Variants in PITPNB observed in about 807,000 individuals in gnomAD.
The protein encoded by PITPNB is phosphatidylinositol transfer protein beta isoform.
In PITPNB, 16 loss-of-function variants were observed where a neutral mutation model predicts 45.9. The ratio of observed to expected loss-of-function variants is 0.35; its 90% confidence interval spans 0.24 to 0.53. PITPNB has a LOEUF of 0.53. Among genes scored for constraint, PITPNB ranks in the 20% least tolerant of loss-of-function variants. The pLI is 0.93. For synonymous variants in PITPNB, 112 were observed against 108.9 expected, an observed-to-expected ratio of 1.03 and a Z score of -0.18; for missense variants, 188 against 330.5, an observed-to-expected ratio of 0.57 and a Z score of 3.34.
In PITPNB at chr22:27,853,148, G is replaced by A. The variant is rs1934073067; in HGVS notation, c.*554C>T. ...AAAAAATTTTGAAGAAATTTTCTGT[G>A]GGAGTCTACTGCTTATGGGACTAAA... On this transcript the variant is annotated 3_prime_UTR_variant, in exon 12 of 12. Coordinates refer to ENST00000335272, the MANE Select transcript of PITPNB (RefSeq NM_012399.5). 6.5e-6 allele frequency: 1 copy of A among 153,132 alleles called. No individual in the cohort carries two copies. Among genetic ancestry groups the A allele is most frequent in the African/African-American group, 2.4e-5 (1 of 41,466 alleles). The allele number at this position is 153,132 out of a possible 1,614,324, so 9.5% of individuals were successfully genotyped here.
intron 1 of PITPNB, among the ~76,000 whole-genome samples, chr22:27,917,103 G>T (rs1011246748): frequency 2.0e-5 from 3 of 152,174 alleles, no homozygotes; most frequent in Non-Finnish European, 2.9e-5. Context: ...TTAACATCAA[G>T]AAACTTAATT....
intron 1 of PITPNB, among the ~76,000 whole-genome samples, chr22:27,917,453 C>T (rs1012277831): frequency 2.0e-5 from 3 of 152,210 alleles, no homozygotes; most frequent in African/African-American, 7.2e-5. Context: ...GTGTCTGCCA[C>T]CCATCTACCC....
Position 27,853,682 on chromosome 22 carries a change from A to G in PITPNB, c.*39-19T>C. The stretch of plus-strand genomic sequence containing the variant: ...TACGTAACTGTAAGAAAAGTGAAAG[A>G]CAGTGCAAAATGTGTTAAAATACAG... On this transcript the variant is annotated intron_variant, in intron 11 of 11. Transcript: ENST00000335272. The G allele has an allele frequency of 1.3e-6, 2 of 1,536,504 alleles. No homozygotes were observed. Among genetic ancestry groups the G allele is most frequent in the Non-Finnish European group, 1.8e-6 (2 of 1,133,884 alleles).
Position 27,852,479 on chromosome 22 carries a change from C to G in PITPNB, c.*1223G>C, listed in dbSNP as rs943886368. 33 of 152,184 alleles carry G rather than the reference C, an allele frequency of 2.2e-4. No homozygotes were observed. The highest frequency in any genetic ancestry group is 7.2e-4 in the African/African-American group (30 of 41,560). 9.4% of individuals were successfully genotyped at this position (152,184 alleles called of 1,614,324 possible). ...CACTCTCATGATGCCTATTCAGAAT[C>G]TGTCCTGATGACGTCCTACTTGAGA... On this transcript the variant is annotated 3_prime_UTR_variant, in exon 12 of 12. Transcript: ENST00000335272.
intron 3 of PITPNB, 148 bp downstream of exon 3, chr22:27,910,816 G>T: frequency 1.7e-6 from 1 of 598,510 alleles, no homozygotes; most frequent in South Asian, 2.5e-5. Flanking sequence ...TACAAATAAA[G>T]GAGGAGGTTC....
intron 7 of PITPNB, among the ~76,000 whole-genome samples, chr22:27,890,450 G>A (rs1301851592): frequency 1.3e-5 from 2 of 151,492 alleles, no homozygotes; most frequent in Non-Finnish European, 2.9e-5. Context: ...AAGCTCCTGT[G>A]ACACAAAGGT....
At chr22:27,897,032 G>T (rs947219618) in intron 5 of PITPNB, 98 bp downstream of exon 5, 4 of 858,702 alleles carry the variant, frequency 4.7e-6, no homozygotes, top group Non-Finnish European at 8.1e-6. Context: ...GAACCATGCA[G>T]CGAGGTGCAG....
intron 3 of PITPNB, among the ~76,000 whole-genome samples, chr22:27,908,889 C>A (rs1173603947): frequency 2.0e-5 from 3 of 152,110 alleles, no homozygotes; most frequent in African/African-American, 7.2e-5. Flanking sequence ...CAAAGAAATG[C>A]TGTATTCTAA....
At position 27,873,873 on chromosome 22, in the gene PITPNB, G is replaced by A. The variant is rs551449843; in HGVS notation, c.457-58C>T. ...GAAAACCAGAGAATATTCTTTAACC[G>A]TGCCAGAATAGCTCTTCGCAGCTAC... On this transcript the variant is annotated intron_variant, in intron 7 of 11. Transcript: ENST00000335272. The A allele has an allele frequency of 1.4e-3, 1,514 of 1,119,766 alleles. 21 individuals are homozygous for A. In the South Asian group the frequency reaches 0.018, roughly 13 times the overall value. The allele number at this position is 1,119,766 out of a possible 1,614,324, so 69.4% of individuals were successfully genotyped here.
intron 8 of PITPNB, among the ~76,000 whole-genome samples, chr22:27,868,901 C>T (rs1167140004): frequency 2.0e-5 from 3 of 152,088 alleles, no homozygotes; most frequent in African/African-American, 7.2e-5. Flanking sequence ...TTTGTAGACA[C>T]AGAAGCTTAA....
chr22:27,917,505 A>G (rs1936116841), intron 1 of PITPNB, among the ~76,000 whole-genome samples: 1 of 152,236 alleles, frequency 6.6e-6, no homozygotes. Context: ...TGTTTGATAC[A>G]CTGTATAAAC....
At position 27,854,057 on chromosome 22, in the gene PITPNB, G is replaced by C. The variant is rs1049440639; in HGVS notation, c.*39-394C>G. 1.1e-4 allele frequency among the ~76,000 whole-genome samples: 17 copies of C among 151,868 alleles called. No homozygotes were observed. The South Asian group carries it at 3.3e-3, about 30-fold the overall frequency. Reference sequence around the variant, plus strand: ...AACTGAACATTTCATTCATCCCAATGTTCAAAAATTAAAGAGCAGGTAGCT... The same window carrying C: ...AACTGAACATTTCATTCATCCCAATCTTCAAAAATTAAAGAGCAGGTAGCT... On this transcript the variant is annotated intron_variant, in intron 11 of 11. Transcript: ENST00000335272.
chr22:27,858,187 C>G (rs1460871703), intron 10 of PITPNB, among the ~76,000 whole-genome samples, 200 bp downstream of exon 10: 1 of 152,186 alleles, frequency 6.6e-6, no homozygotes, highest in Admixed American at 6.5e-5. Flanking sequence ...TCTACCTTCA[C>G]GCAAGATGCT....
intron 3 of PITPNB, among the ~76,000 whole-genome samples, chr22:27,908,760 T>C (rs1935835374): frequency 6.6e-6 from 1 of 152,106 alleles, no homozygotes; most frequent in Admixed American, 6.5e-5. Context: ...AATAGACATA[T>C]TTTTCAGATA....
intron 7 of PITPNB, among the ~76,000 whole-genome samples, chr22:27,874,519 T>G (rs1398145575): frequency 6.6e-6 from 1 of 152,194 alleles, no homozygotes; most frequent in Non-Finnish European, 1.5e-5. Flanking sequence ...AGGGTTCTAG[T>G]GTGTGTAAAT....
chr22:27,891,937 T>C (rs1209788576), intron 7 of PITPNB, among the ~76,000 whole-genome samples: 1 of 152,190 alleles, frequency 6.6e-6, no homozygotes, highest in Non-Finnish European at 1.5e-5. Context: ...AACCAACTTG[T>C]CCAAGATTAA....
intron 1 of PITPNB, among the ~76,000 whole-genome samples, chr22:27,918,776 C>T (rs1936170049): frequency 6.6e-6 from 1 of 152,194 alleles, no homozygotes; most frequent in Admixed American, 6.5e-5. Context: ...AAATCACAGT[C>T]AGAACCAACG....
intron 8 of PITPNB, among the ~76,000 whole-genome samples, chr22:27,871,200 T>C (rs1183335885): frequency 1.3e-5 from 2 of 152,238 alleles, no homozygotes; most frequent in Admixed American, 6.5e-5. Flanking sequence ...AGACATGGTA[T>C]ATATTCCAAG....
At chr22:27,918,158 T>C (rs1463534932) in intron 1 of PITPNB, among the ~76,000 whole-genome samples, 2 of 152,186 alleles carry the variant, frequency 1.3e-5, no homozygotes, top group East Asian at 3.8e-4. Flanking sequence ...TGACTTTTAT[T>C]CTGGGTGAGA....
Sources: gnomAD v4.1 joint callset for allele counts (sites outside exome capture counted in the v4.1 genomes callset) on GRCh38, gnomAD v4.1.1 for gene constraint, MANE v1.5 for transcripts, NCBI Gene and HGNC (gene_info 2026-07-23, HGNC 2026-07-21) for gene names.